The following MICALL1 variants were observed in gnomAD, a reference collection of about 807,000 sequenced individuals.
The protein encoded by MICALL1 is MICAL like 1.
Under a neutral mutation model 83.7 loss-of-function variants are expected in MICALL1, and 61 were observed. The observed-to-expected ratio is 0.73, with a 90% CI of 0.59 to 0.90. The LOEUF (loss-of-function observed/expected upper bound fraction) is 0.90, where lower values mean the gene tolerates loss of function less well. MICALL1 is among the 40% of genes least tolerant of loss of function. The pLI is 0.00. For synonymous variants in MICALL1, 481 were observed against 473.6 expected (o/e 1.02, Z -0.20); for missense variants, 1,066 against 1,152.0 (o/e 0.93, Z 1.08).
chr22:37,922,063 C>T lies in MICALL1; in HGVS notation c.661C>T (p.Leu221=). ...TFVCAEHCAR[L]GPGTRSGTRP... ...TGTGTGTGCAGAACACTGTGCCAGG[C>T]TGGGCCCGGGGACACGGTCGGGGAC... The change falls in exon 6 of 16, where the codon CTG becomes TTG. Residue 221 remains leucine, a synonymous_variant. Coordinates refer to ENST00000215957, the MANE Select transcript of MICALL1 (RefSeq NM_033386.4). 6.2e-7 allele frequency: 1 copy of T among 1,613,462 alleles called. No individual in the cohort carries two copies. The highest frequency in any genetic ancestry group is 8.5e-7 in the Non-Finnish European group (1 of 1,180,014).
intron 3 of MICALL1, among the ~76,000 whole-genome samples, chr22:37,913,580 G>C (rs1309073113): frequency 3.3e-5 from 5 of 152,190 alleles, no homozygotes; most frequent in Non-Finnish European, 5.9e-5. Flanking sequence ...GGGAACTGGG[G>C]AACCAGAGTT....
intron 13 of MICALL1, 25 bp from the exon 14 acceptor site, chr22:37,937,055 C>T (rs1350315025): frequency 1.3e-6 from 2 of 1,543,968 alleles, no homozygotes; most frequent in Non-Finnish European, 1.8e-6. Context: ...ACCACTCATG[C>T]CCCCTAACTT....
chr22:37,932,964 C>G lies in MICALL1; in HGVS notation c.2235-75C>G. The G allele has an allele frequency of 6.2e-7, 1 of 1,610,994 alleles. No individual in the cohort carries two copies. The highest frequency in any genetic ancestry group is 8.5e-7 in the Non-Finnish European group (1 of 1,177,258). ...ATGGAGAACCCTTACCCTCTTCCCT[C>G]ATCAGTAACAGCGCAGGGCAGGGCA... On this transcript the variant is annotated intron_variant, in intron 12 of 15. Coordinates refer to ENST00000215957, the MANE Select transcript of MICALL1 (RefSeq NM_033386.4). This position sits in a 1 kb window ranked among gnomAD's most constrained non-coding sequence, Gnocchi z 4.4.
intron 3 of MICALL1, 61 bp from the exon 4 acceptor site, chr22:37,917,646 G>C (rs2145896898): frequency 6.6e-7 from 1 of 1,509,348 alleles, no homozygotes; most frequent in East Asian, 2.3e-5. Context: ...AGCCAGGTTG[G>C]GACCTCCTGG....
At position 37,942,702 on chromosome 22, in the gene MICALL1, C is replaced by G. The variant is rs376872421; in HGVS notation, c.*1872C>G. ...ATTTTTAGTAGAGACGGGGTTTCAC[C>G]GTGTTAACCAGGATGGTCTCGATCT... is the stretch of plus-strand genomic sequence containing the variant. On this transcript the variant is annotated 3_prime_UTR_variant, in exon 16 of 16. Transcript: ENST00000215957. 6.6e-6 allele frequency: 1 copy of G among 152,156 alleles called. No individual in the cohort carries two copies. The highest frequency in any genetic ancestry group is 2.1e-4 in the South Asian group (1 of 4,824). 9.4% of individuals were successfully genotyped at this position (152,156 alleles called of 1,614,324 possible). A position where few individuals can be genotyped will look rare whatever the true frequency, so the allele number is the denominator to read the frequency against.
At chr22:37,912,325 C>T (rs747755236) in intron 2 of MICALL1, 26 bp from the exon 3 acceptor site, 16 of 1,586,944 alleles carry the variant, frequency 1.0e-5, no homozygotes, top group South Asian at 2.2e-5. Context: ...CGGCTGCTCC[C>T]GCCCTTGTAC....
At position 37,906,608 on chromosome 22, in the gene MICALL1, G is replaced by A; in HGVS notation, c.146+40G>A. ...CCGGGCGAGCGGGCGGCGCGGGGCG[G>A]GCTGGGGCCGCGACCGCCGCCCCCC... On this transcript the variant is annotated intron_variant, in intron 1 of 15. Coordinates refer to ENST00000215957, the MANE Select transcript of MICALL1 (RefSeq NM_033386.4). The surrounding 1 kb of genome is among the most constrained non-coding windows in gnomAD (Gnocchi z 4.4). 8.7e-7 allele frequency: 1 copy of A among 1,150,578 alleles called. No individual in the cohort carries two copies. The highest frequency in any genetic ancestry group is 1.1e-6 in the Non-Finnish European group (1 of 931,986). The allele number at this position is 1,150,578 out of a possible 1,614,324, so 71.3% of individuals were successfully genotyped here. A position where few individuals can be genotyped will look rare whatever the true frequency, so the allele number is the denominator to read the frequency against.
chr22:37,909,599 C>T (rs1272876883), intron 1 of MICALL1, among the ~76,000 whole-genome samples: 2 of 152,110 alleles, frequency 1.3e-5, no homozygotes, highest in African/African-American at 4.8e-5. Flanking sequence ...ACCTCGTGAT[C>T]CACCTGCCTT....
chr22:37,906,691 A>G lies in MICALL1; in HGVS notation c.146+123A>G. The G allele has an allele frequency of 1.1e-6, 1 of 878,142 alleles. No individual in the cohort carries two copies. Among genetic ancestry groups the G allele is most frequent in the Non-Finnish European group, 1.4e-6 (1 of 704,406 alleles). 54.4% of individuals were successfully genotyped at this position (878,142 alleles called of 1,614,324 possible). Reference sequence around the variant, plus strand: ...GCCGCCCCCGGACACGGAGACGCCGACCCCCCCGACGGCCCCGGACGCCGG... The same window carrying G: ...GCCGCCCCCGGACACGGAGACGCCGGCCCCCCCGACGGCCCCGGACGCCGG... On this transcript the variant is annotated intron_variant, in intron 1 of 15. Transcript: ENST00000215957. The surrounding 1 kb of genome is among the most constrained non-coding windows in gnomAD (Gnocchi z 4.4).
chr22:37,918,916 C>T lies in MICALL1; in HGVS notation c.427-120C>T, dbSNP rs551009655. ...GCCCTGATGAAGTCCATTTCCACCA[C>T]GAAGCCTGGTGCACACTTGAGTGAC... On this transcript the variant is annotated intron_variant, in intron 4 of 15. Coordinates refer to ENST00000215957, the MANE Select transcript of MICALL1 (RefSeq NM_033386.4). 7.0e-5 allele frequency: 87 copies of T among 1,247,700 alleles called. No individual in the cohort carries two copies. In the Middle Eastern group the frequency reaches 8.5e-4, roughly 12 times the overall value. 77.3% of individuals were successfully genotyped at this position (1,247,700 alleles called of 1,614,324 possible).
At chr22:37,938,672 G>T (rs1399774058) in intron 15 of MICALL1, among the ~76,000 whole-genome samples, 1 of 150,040 alleles carries the variant, frequency 6.7e-6, no homozygotes, top group Admixed American at 6.7e-5. Flanking sequence ...ACCCAGGCTG[G>T]AGTGCAGTGG....
chr22:37,925,963 C>T lies in MICALL1; in HGVS notation c.1385C>T (p.Pro462Leu), dbSNP rs902391668. ...HPESTPKSLH[P>L]WYGITPTSSP... ...GAGTCCACACCCAAGTCCCTGCACC[C>T]CTGGTACGGCATCACCCCTACCAGC... is the stretch of plus-strand genomic sequence containing the variant. The change falls in exon 8 of 16, where the codon CCC becomes CTC. Residue 462 changes from proline to leucine, a missense_variant. Physicochemically the swap from Pro to Leu is moderately conservative, Grantham distance 98. Transcript: ENST00000215957. 3 of 1,613,818 alleles carry T rather than the reference C, an allele frequency of 1.9e-6. No homozygotes were observed. Among genetic ancestry groups the T allele is most frequent in the African/African-American group, 2.7e-5 (2 of 74,938 alleles).
chr22:37,910,812 ACCAGCTTGGGAGGTGGTATTAGTGCTTTT>A (rs1329733995), intron 1 of MICALL1, among the ~76,000 whole-genome samples: 1 of 152,130 alleles, frequency 6.6e-6, no homozygotes, highest in Non-Finnish European at 1.5e-5. Flanking sequence ...CTGGGACTCC[ACCAGCTTGGGAGGTGGTATTAGTGCTTTT>A]CCTGATTTGC....
At position 37,919,109 on chromosome 22, in the gene MICALL1, G is replaced by A. The variant is rs944059640; in HGVS notation, c.500G>A (p.Cys167Tyr). 1.3e-6 allele frequency: 2 copies of A among 1,551,672 alleles called. No homozygotes were observed. The highest frequency in any genetic ancestry group is 1.7e-6 in the Non-Finnish European group (2 of 1,147,510). Reference protein sequence around the residue: ...GQTPSSTCAACQQHVHLVQRY... With the variant: ...GQTPSSTCAAYQQHVHLVQRY... ...ACCCCCAGCAGCACGTGCGCAGCCT[G>A]CCAGCAGCATGTGCACTTGGTGCAG... The change falls in exon 5 of 16, where the codon TGC (cysteine) becomes TAC (tyrosine). Residue 167 changes from cysteine to tyrosine, a missense_variant. By Grantham distance (194) the Cys-to-Tyr change is radical (BLOSUM62 -2). Coordinates refer to ENST00000215957, the MANE Select transcript of MICALL1 (RefSeq NM_033386.4).
Position 37,930,078 on chromosome 22 carries a change from C to A in MICALL1, c.1882-1721C>A, listed in dbSNP as rs1482810424. Among the ~76,000 whole-genome samples the A allele has an allele frequency of 7.2e-5, 11 of 152,208 alleles. No homozygotes were observed. The highest frequency in any genetic ancestry group is 7.2e-4 in the Admixed American group (11 of 15,280). ...CCCCTGGTTCCTTGGTGGTGGAGGGCACGGGGGTGGGTCACCTTCGGATTC... is the reference window on the plus strand; with the variant it reads ...CCCCTGGTTCCTTGGTGGTGGAGGGAACGGGGGTGGGTCACCTTCGGATTC... On this transcript the variant is annotated intron_variant, in intron 9 of 15. Transcript: ENST00000215957. This position sits in a 1 kb window ranked among gnomAD's most constrained non-coding sequence, Gnocchi z 4.8.
Position 37,932,501 on chromosome 22 carries a change from G to T in MICALL1, c.2017-52G>T, listed in dbSNP as rs903685844. On this transcript the variant is annotated intron_variant, in intron 10 of 15. Coordinates refer to ENST00000215957, the MANE Select transcript of MICALL1 (RefSeq NM_033386.4). This position sits in a 1 kb window ranked among gnomAD's most constrained non-coding sequence, Gnocchi z 4.4. ...AATGCTGGCCAGAGAAGAGGGCAAGGCTCCTGGCAGCAACCAGGCAGGCCG... is the reference window on the plus strand; with the variant it reads ...AATGCTGGCCAGAGAAGAGGGCAAGTCTCCTGGCAGCAACCAGGCAGGCCG... 5.6e-6 allele frequency: 9 copies of T among 1,605,706 alleles called. No homozygotes were observed. In the Admixed American group the frequency reaches 1.2e-4, roughly 21 times the overall value.
At position 37,932,728 on chromosome 22, in the gene MICALL1, C is replaced by T; in HGVS notation, c.2143+49C>T. On this transcript the variant is annotated intron_variant, in intron 11 of 15. Transcript: ENST00000215957. The surrounding 1 kb of genome is among the most constrained non-coding windows in gnomAD (Gnocchi z 4.4). ...TGCTGGGTGGGGCTGGGGGCAGGAG[C>T]CTCTATTCCCCGGGGAACTGAGCCA... is the stretch of plus-strand genomic sequence containing the variant. The T allele has an allele frequency of 1.8e-5, 29 of 1,611,996 alleles. No individual in the cohort carries two copies. The highest frequency in any genetic ancestry group is 2.5e-5 in the Non-Finnish European group (29 of 1,179,182).
intron 13 of MICALL1, among the ~76,000 whole-genome samples, chr22:37,933,896 G>A (rs1442742600): frequency 6.6e-6 from 1 of 152,206 alleles, no homozygotes; most frequent in Non-Finnish European, 1.5e-5. Context: ...ATCTGGGGCT[G>A]TCCCTGCACA....
chr22:37,917,238 G>A (rs1007999744), intron 3 of MICALL1, among the ~76,000 whole-genome samples: 1 of 152,098 alleles, frequency 6.6e-6, no homozygotes, highest in Non-Finnish European at 1.5e-5. Context: ...TGTGCAGGCC[G>A]GGTTCTGGCC....
Sources: allele counts gnomAD v4.1 joint callset (sites outside exome capture counted in the v4.1 genomes callset), GRCh38; gene constraint gnomAD v4.1.1; non-coding constraint Gnocchi (gnomAD v3.1); transcripts MANE v1.5; gene names NCBI Gene and HGNC (gene_info 2026-07-23, HGNC 2026-07-21).